Variants in PDE11A observed in about 807,000 individuals in gnomAD.
PDE11A encodes the protein phosphodiesterase 11A.
A neutral mutation model predicts 100.5 loss-of-function variants in PDE11A; 100 were observed. The ratio of observed to expected loss-of-function variants is 1.00; its 90% confidence interval spans 0.85 to 1.18. The LOEUF (loss-of-function observed/expected upper bound fraction) is 1.18. PDE11A is among the 50% of genes most tolerant of loss of function. The pLI is 0.00. For missense variants in PDE11A, 1,141 were observed against 1,152.6 expected (o/e 0.99, Z 0.15); for synonymous variants, 381 against 420.8 (o/e 0.91, Z 1.16).
intron 2 of PDE11A, among the ~76,000 whole-genome samples, chr2:177,996,710 C>T (rs899077694): frequency 4.1e-4 from 63 of 152,116 alleles, no homozygotes; most frequent in African/African-American, 1.5e-3. Flanking sequence ...AGGAATGTTG[C>T]ACCACTGCCT....
chr2:177,800,774 A>G (rs16865786), intron 9 of PDE11A, among the ~76,000 whole-genome samples: 1,661 of 152,282 alleles, frequency 0.011, 15 homozygotes, highest in East Asian at 0.059. Context: ...AGTACACTAG[A>G]TCTATGTCTA....
At chr2:177,632,684 T>C (rs1407200841) in intron 19 of PDE11A, among the ~76,000 whole-genome samples, 1 of 152,216 alleles carries the variant, frequency 6.6e-6, no homozygotes, top group Non-Finnish European at 1.5e-5. Context: ...CCATTCTGCA[T>C]CATTCCTAAT....
intron 12 of PDE11A, among the ~76,000 whole-genome samples, chr2:177,716,670 T>C (rs1277004164): frequency 6.6e-6 from 1 of 152,194 alleles, no homozygotes; most frequent in Non-Finnish European, 1.5e-5. Context: ...AATAATTACC[T>C]ATGATACTCC....
At chr2:177,979,209 A>G (rs1169177290) in intron 2 of PDE11A, among the ~76,000 whole-genome samples, 1 of 150,702 alleles carries the variant, frequency 6.6e-6, no homozygotes, top group Non-Finnish European at 1.5e-5. Context: ...CCCAGATTGC[A>G]ATCCCTTGCT....
chr2:178,079,243 G>C (rs2087253161), intron 2 of PDE11A, among the ~76,000 whole-genome samples: 1 of 152,104 alleles, frequency 6.6e-6, no homozygotes, highest in South Asian at 2.1e-4. Context: ...ACATCACCTA[G>C]GTATTAAGCC....
At chr2:178,078,933 A>T (rs1261884773) in intron 2 of PDE11A, among the ~76,000 whole-genome samples, 1 of 152,214 alleles carries the variant, frequency 6.6e-6, no homozygotes, top group Admixed American at 6.5e-5. Flanking sequence ...GAACATTTAC[A>T]TTAAAGAACA....
At chr2:177,669,617 G>A in intron 17 of PDE11A, 50 bp from the exon 18 acceptor site, 1 of 844,392 alleles carries the variant, frequency 1.2e-6, no homozygotes, top group South Asian at 1.3e-5. Flanking sequence ...TTTATCACGA[G>A]ACTCAGAAGT....
At chr2:177,953,867 G>A (rs1331618738) in intron 2 of PDE11A, among the ~76,000 whole-genome samples, 1 of 152,098 alleles carries the variant, frequency 6.6e-6, no homozygotes, top group Non-Finnish European at 1.5e-5. Context: ...TTTAGAAAAG[G>A]ATAGTTCGCA....
In PDE11A at chr2:177,853,769, T is replaced by TAG. The variant is rs1424262522; in HGVS notation, c.1368-13387_1368-13386insCT. On this transcript the variant is annotated intron_variant, in intron 5 of 19. Transcript: ENST00000286063. Reference sequence around the variant, plus strand: ...GTGTATATATATCTATATATGTATATATATCTATATATGTGTATAGATATA... The same window carrying TAG: ...GTGTATATATATCTATATATGTATATAGATATCTATATATGTGTATAGATATA... Among the ~76,000 whole-genome samples the TAG allele has an allele frequency of 9.8e-4, 134 of 136,252 alleles. 23 individuals are homozygous for TAG. The Middle Eastern group carries it at 0.015, about 15-fold the overall frequency. 89.4% of individuals were successfully genotyped at this position (136,252 alleles called of 152,430 possible).
chr2:177,971,840 G>A (rs1284789203), intron 2 of PDE11A, among the ~76,000 whole-genome samples: 1 of 151,522 alleles, frequency 6.6e-6, no homozygotes, highest in African/African-American at 2.4e-5. Context: ...GAAAATTCTA[G>A]AAAATAGCAA....
At chr2:178,080,616 C>G (rs1007179501) in intron 2 of PDE11A, among the ~76,000 whole-genome samples, 2 of 152,084 alleles carry the variant, frequency 1.3e-5, no homozygotes, top group African/African-American at 4.8e-5. Context: ...AATTGCCATG[C>G]CTTTATTCAC....
At chr2:177,922,590 G>T in intron 2 of PDE11A, 1 of 656,646 alleles carries the variant, frequency 1.5e-6, no homozygotes, top group Non-Finnish European at 1.9e-6. Flanking sequence ...CTGGAGCCAT[G>T]TCCCATACCT....
chr2:177,729,131 G>A (rs574062355), intron 10 of PDE11A, among the ~76,000 whole-genome samples: 15 of 152,208 alleles, frequency 9.9e-5, no homozygotes, highest in South Asian at 2.1e-4. Flanking sequence ...ATCCAACTCT[G>A]GCTGCTCTAA....
At chr2:177,697,232 A>G (rs2081125790) in intron 15 of PDE11A, 100 bp downstream of exon 15, 5 of 747,032 alleles carry the variant, frequency 6.7e-6, no homozygotes, top group Non-Finnish European at 1.2e-5. Context: ...TTACACATTG[A>G]TATCAATGCT....
intron 10 of PDE11A, among the ~76,000 whole-genome samples, chr2:177,747,820 T>G (rs2081973151): frequency 6.6e-6 from 1 of 152,118 alleles, no homozygotes; most frequent in Admixed American, 6.5e-5. Context: ...AGATTGGCTG[T>G]GGGCCTCTGA....
chr2:177,737,601 A>AAG (rs397770634), intron 10 of PDE11A, among the ~76,000 whole-genome samples: 1 of 150,884 alleles, frequency 6.6e-6, no homozygotes, highest in Non-Finnish European at 1.5e-5. Flanking sequence ...AAAAAAAAAA[A>AAG]GCCAAGAGAG....
chr2:178,071,816 A>G lies in PDE11A; in HGVS notation c.622T>C (p.Leu208=), dbSNP rs146063329. 3.9e-5 allele frequency: 63 copies of G among 1,613,898 alleles called. No homozygotes were observed. The African/African-American group carries it at 7.6e-4, about 19-fold the overall frequency. Residue 208 remains leucine (L), a synonymous_variant, in exon 1 of 20, where the codon TTG becomes CTG. Coordinates refer to ENST00000286063, the MANE Select transcript of PDE11A (RefSeq NM_016953.4). ...AGGTCATTGGAGATATCTTTGACCA[A>G]TTCCAGAAAGAACTGACGCTCATTA... ...KHNERQFFLE[L]VKDISNDLDL...
At chr2:177,901,909 G>T (rs1305603192) in intron 3 of PDE11A, among the ~76,000 whole-genome samples, 1 of 152,184 alleles carries the variant, frequency 6.6e-6, no homozygotes, top group Non-Finnish European at 1.5e-5. Context: ...AAAATTAATT[G>T]TGCCTTGAGT....
At chr2:178,082,433 G>T (rs543618597) in intron 2 of PDE11A, among the ~76,000 whole-genome samples, 1 of 152,120 alleles carries the variant, frequency 6.6e-6, no homozygotes, top group Non-Finnish European at 1.5e-5. Context: ...AAAAATGCCA[G>T]TTTATAAATT....
Sources: gnomAD v4.1 joint callset for allele counts (sites outside exome capture counted in the v4.1 genomes callset) on GRCh38, gnomAD v4.1.1 for gene constraint, MANE v1.5 for transcripts, NCBI Gene and HGNC (gene_info 2026-07-23, HGNC 2026-07-21) for gene names.